ZNF577: variants seen among roughly 807,000 people sequenced by gnomAD.
ZNF577 encodes the protein zinc finger protein 577.
Under a neutral mutation model 13.9 loss-of-function variants are expected in ZNF577, and 14 were observed. That is an observed-to-expected ratio of 1.00 (90% CI 0.66 to 1.57). The LOEUF is 1.57. Among genes scored for constraint, ZNF577 ranks in the 40% most tolerant of loss-of-function variants. The probability of loss-of-function intolerance (pLI) is 0.00; values close to 1 mark genes in which losing one functional copy is unlikely to be tolerated. For missense variants in ZNF577, 555 were observed against 579.2 expected (o/e 0.96, Z 0.43); for synonymous variants, 203 against 202.9 (o/e 1.00, Z 0.00).
At chr19:51,857,126 C>A (rs1362262539) in intron 5 of ZNF577, among the ~76,000 whole-genome samples, 2 of 152,012 alleles carry the variant, frequency 1.3e-5, no homozygotes, top group African/African-American at 4.8e-5. Context: ...TGGTGAAACC[C>A]CATCTCTACT....
chr19:51,863,521 G>T (rs896818070), downstream of ZNF577, among the ~76,000 whole-genome samples: 4 of 152,030 alleles, frequency 2.6e-5, no homozygotes, highest in African/African-American at 4.8e-5. Context: ...TACACACTTG[G>T]GTTTTAGGGT....
At chr19:51,811,572 G>A (rs1469746174) in exon 10 of ZNF577, 1 of 152,168 alleles carries the variant, frequency 6.6e-6, no homozygotes, top group Non-Finnish European at 1.5e-5. Context: ...CATCCTCATA[G>A]TCCCGTGTTC....
chr19:51,829,190 C>T (rs1020847624), intron 9 of ZNF577, among the ~76,000 whole-genome samples: 6 of 152,238 alleles, frequency 3.9e-5, no homozygotes, highest in Admixed American at 1.3e-4. Flanking sequence ...GACTGATATC[C>T]AGTGAAAAAG....
chr19:51,885,932 C>T (rs2084938699), intron 1 of ZNF577, among the ~76,000 whole-genome samples: 1 of 152,122 alleles, frequency 6.6e-6, no homozygotes, highest in African/African-American at 2.4e-5. Flanking sequence ...GTATAATCAT[C>T]AATGGAATAC....
In ZNF577 at chr19:51,880,367, T is replaced by C; in HGVS notation, c.16A>G (p.Ile6Val). 6.2e-7 allele frequency: 1 copy of C among 1,614,090 alleles called. No homozygotes were observed. Among genetic ancestry groups the C allele is most frequent in the South Asian group, 1.1e-5 (1 of 91,076 alleles). The change falls in exon 3 of 6, where the codon ATT becomes GTT. Residue 6 changes from isoleucine to valine, a missense_variant. By Grantham distance (29) the Ile-to-Val change is conservative. Coordinates refer to ENST00000638348, the MANE Select transcript of ZNF577 (RefSeq NM_001370449.1). MKNATIVMSVRREQGS... is the reference protein window; with the variant it reads MKNATVVMSVRREQGS... ...TGCTCTCTCCTCACAGACATTACAA[T>C]CGTGGCATTTTTCATGTGTTTCCTG...
intron 5 of ZNF577, among the ~76,000 whole-genome samples, chr19:51,845,207 A>G (rs1390036229): frequency 1.3e-5 from 2 of 152,168 alleles, no homozygotes; most frequent in Non-Finnish European, 2.9e-5. Flanking sequence ...CAAGAGTACA[A>G]TACTTGGCCG....
chr19:51,848,404 G>T (rs1299189240), intron 5 of ZNF577, among the ~76,000 whole-genome samples: 1 of 152,192 alleles, frequency 6.6e-6, no homozygotes, highest in African/African-American at 2.4e-5. Flanking sequence ...CAAAGGAAAT[G>T]AAATCACTAT....
At chr19:51,807,906 A>C (rs2084070925) in intron 10 of ZNF577, among the ~76,000 whole-genome samples, 1 of 152,238 alleles carries the variant, frequency 6.6e-6, no homozygotes, top group African/African-American at 2.4e-5. Context: ...AATTAAAGAA[A>C]GATAAACTTG....
intron 9 of ZNF577, chr19:51,823,782 AC>A: frequency 6.2e-7 from 1 of 1,608,418 alleles, no homozygotes; most frequent in Non-Finnish European, 8.5e-7. Context: ...TCTGAATGAA[AC>A]TGAGGAGGTG....
intron 9 of ZNF577, among the ~76,000 whole-genome samples, chr19:51,833,025 A>C (rs2084268292): frequency 6.6e-6 from 1 of 152,206 alleles, no homozygotes; most frequent in African/African-American, 2.4e-5. Context: ...TTTTAGAATT[A>C]GGTTAATGTT....
intron 5 of ZNF577, among the ~76,000 whole-genome samples, chr19:51,876,863 G>C (rs2084772552): frequency 6.6e-6 from 1 of 151,648 alleles, no homozygotes; most frequent in Non-Finnish European, 1.5e-5. Flanking sequence ...GGGAGGTGGA[G>C]GTTGCAGTGA....
rs2084635253 is a variant in ZNF577 at position 51,870,071 on chromosome 19, T to C, written c.*2461A>G. Among the ~76,000 whole-genome samples the C allele has an allele frequency of 6.6e-6, 1 of 152,218 alleles. No individual in the cohort carries two copies. Among genetic ancestry groups the C allele is most frequent in the Non-Finnish European group, 1.5e-5 (1 of 68,038 alleles). ...GGATTAACATCCTAGGGGCATTGGG[T>C]CCAGTGCGTAGACTGAGCTTCATCT... On this transcript the variant is annotated 3_prime_UTR_variant, in exon 6 of 6. Transcript: ENST00000638348.
rs571663936 is a variant in ZNF577, at chr19:51,868,890, A to G, written c.*3642T>C. ...GTGCTGTGTTGACTCAAGGTTTACTAGATTTAGGGCTGTGCAGGATGTGCT... is the reference window on the plus strand; with the variant it reads ...GTGCTGTGTTGACTCAAGGTTTACTGGATTTAGGGCTGTGCAGGATGTGCT... On this transcript the variant is annotated 3_prime_UTR_variant, in exon 6 of 6. Transcript: ENST00000638348. Among the ~76,000 whole-genome samples the G allele has an allele frequency of 6.6e-6, 1 of 152,314 alleles. No individual in the cohort carries two copies. Among genetic ancestry groups the G allele is most frequent in the South Asian group, 2.1e-4 (1 of 4,824 alleles).
At chr19:51,846,599 T>G (rs2084353443) in intron 5 of ZNF577, among the ~76,000 whole-genome samples, 1 of 151,918 alleles carries the variant, frequency 6.6e-6, no homozygotes, top group South Asian at 2.1e-4. Context: ...TCACTGCTAC[T>G]TGGGAGGCTA....
chr19:51,820,479 C>T (rs1171305445), intron 9 of ZNF577, among the ~76,000 whole-genome samples: 3 of 152,204 alleles, frequency 2.0e-5, no homozygotes, highest in Non-Finnish European at 2.9e-5. Flanking sequence ...CTCTGGTCCA[C>T]GGTTCTCTTC....
Position 51,872,956 on chromosome 19 carries a change from T to A in ZNF577, c.1034A>T (p.Gln345Leu), listed in dbSNP as rs373453443. Residue 345 changes from glutamine (Q) to leucine (L), a missense_variant, in exon 6 of 6, where the codon CAG becomes CTG. Coordinates refer to ENST00000638348, the MANE Select transcript of ZNF577 (RefSeq NM_001370449.1). ...FRSKSKLIQH[Q>L]RTHTGERPYS... ...TGGTCTCTCTCCAGTGTGAGTACGC[T>A]GATGCTGAATGAGCTTCGACTTGCT... 4 of 1,614,102 alleles carry A rather than the reference T, an allele frequency of 2.5e-6. No individual in the cohort carries two copies. Among genetic ancestry groups the A allele is most frequent in the Non-Finnish European group, 3.4e-6 (4 of 1,180,048 alleles).
intron 5 of ZNF577, among the ~76,000 whole-genome samples, chr19:51,849,635 C>T (rs775026438): frequency 2.9e-4 from 44 of 152,248 alleles, no homozygotes; most frequent in African/African-American, 9.9e-4. Flanking sequence ...TATAGCAGTA[C>T]AAATAAAGAC....
intron 5 of ZNF577, chr19:51,860,314 G>C (rs1291841499): frequency 6.6e-6 from 1 of 152,190 alleles, no homozygotes; most frequent in Admixed American, 6.5e-5. Flanking sequence ...AAAAGCTTGT[G>C]ATGTTTAATG....
chr19:51,845,116 TA>T (rs911192793), intron 5 of ZNF577, among the ~76,000 whole-genome samples: 1 of 152,220 alleles, frequency 6.6e-6, no homozygotes, highest in Non-Finnish European at 1.5e-5. Flanking sequence ...TAAATCAAAC[TA>T]ATTAACATAT....
Sources: gnomAD v4.1 joint callset for allele counts (sites outside exome capture counted in the v4.1 genomes callset) on GRCh38, gnomAD v4.1.1 for gene constraint, MANE v1.5 for transcripts, NCBI Gene and HGNC (gene_info 2026-07-23, HGNC 2026-07-21) for gene names.